Variants in UBAC2 observed in about 807,000 individuals in gnomAD.
UBAC2 encodes the protein UBA domain containing 2.
Under a neutral mutation model 44.0 loss-of-function variants are expected in UBAC2, and 26 were observed. The observed-to-expected ratio is 0.59, with a 90% CI of 0.43 to 0.82. The LOEUF (loss-of-function observed/expected upper bound fraction) is 0.82. Among genes scored for constraint, UBAC2 ranks in the 40% least tolerant of loss-of-function variants. The pLI, the probability that UBAC2 is intolerant of heterozygous loss-of-function variation, is 0.00. For missense variants in UBAC2, 329 were observed against 419.4 expected, an observed-to-expected ratio of 0.78 and a Z score of 1.88; for synonymous variants, 155 against 154.3, an observed-to-expected ratio of 1.00 and a Z score of -0.04.
intron 4 of UBAC2, among the ~76,000 whole-genome samples, chr13:99,312,446 T>G (rs905665396): frequency 6.6e-6 from 1 of 152,234 alleles, no homozygotes; most frequent in Non-Finnish European, 1.5e-5. Flanking sequence ...TCATATTACC[T>G]GCCTAGCACT....
chr13:99,280,861 C>T (rs1287761341), intron 4 of UBAC2, among the ~76,000 whole-genome samples: 1 of 151,984 alleles, frequency 6.6e-6, no homozygotes, highest in Non-Finnish European at 1.5e-5. Flanking sequence ...CTCTTTCTCA[C>T]TCAGTAAGCT....
rs1475257556 is a variant in UBAC2 at position 99,296,267 on chromosome 13, A to T, written c.390-17830A>T. Reference sequence around the variant, plus strand: ...TAAATAATGTATCAAAGCAATCCAAACTGTCTTTTATATATCTAAGTTTTA... The same window carrying T: ...TAAATAATGTATCAAAGCAATCCAATCTGTCTTTTATATATCTAAGTTTTA... On this transcript the variant is annotated intron_variant, in intron 4 of 8. Coordinates refer to ENST00000403766, the MANE Select transcript of UBAC2 (RefSeq NM_001144072.2). 5 of 878,816 alleles carry T rather than the reference A, an allele frequency of 5.7e-6. No individual in the cohort carries two copies. The Admixed American group carries it at 1.3e-4, about 23-fold the overall frequency. 54.4% of individuals were successfully genotyped at this position (878,816 alleles called of 1,614,324 possible). A position where few individuals can be genotyped will look rare whatever the true frequency, so the allele number is the denominator to read the frequency against.
rs191795389 is a variant in UBAC2 at position 99,384,363 on chromosome 13, C to A, written c.928-865C>A. 3.4e-3 allele frequency among the ~76,000 whole-genome samples: 512 copies of A among 152,206 alleles called. 3 individuals carry two copies. The highest frequency in any genetic ancestry group is 0.012 in the African/African-American group (490 of 41,498). On this transcript the variant is annotated intron_variant, in intron 8 of 8. Coordinates refer to ENST00000403766, the MANE Select transcript of UBAC2 (RefSeq NM_001144072.2). ...AATGTATTCCTGTGGCAATCTGGGG[C>A]CATGAATATTTTTGTAATATATTCT...
At chr13:99,278,090 A>T (rs1473758447) in intron 4 of UBAC2, among the ~76,000 whole-genome samples, 8 of 152,150 alleles carry the variant, frequency 5.3e-5, no homozygotes, top group Admixed American at 5.2e-4. Flanking sequence ...GCTTTCCAGG[A>T]CTAGGCACAG....
chr13:99,353,860 C>T (rs1345353360), intron 7 of UBAC2, among the ~76,000 whole-genome samples: 1 of 152,164 alleles, frequency 6.6e-6, no homozygotes, highest in African/African-American at 2.4e-5. Flanking sequence ...GTGCAACCCC[C>T]AAGGTTTCAG....
At chr13:99,219,809 CAT>C (rs1289778677) in intron 1 of UBAC2, among the ~76,000 whole-genome samples, 1 of 152,152 alleles carries the variant, frequency 6.6e-6, no homozygotes, top group African/African-American at 2.4e-5. Context: ...TAAGTGGAGT[CAT>C]ATAGTACATA....
At chr13:99,324,489 T>C (rs1347859711) in intron 6 of UBAC2, among the ~76,000 whole-genome samples, 1 of 152,252 alleles carries the variant, frequency 6.6e-6, no homozygotes, top group Non-Finnish European at 1.5e-5. Flanking sequence ...TGTACCAACA[T>C]GTAGCATGAA....
At position 99,273,553 on chromosome 13, in the gene UBAC2, C is replaced by A. The variant is rs781029659; in HGVS notation, c.389+28929C>A. On this transcript the variant is annotated intron_variant, in intron 4 of 8. Coordinates refer to ENST00000403766, the MANE Select transcript of UBAC2 (RefSeq NM_001144072.2). ...AGAGGAAGAAATGATTAAGGAAATGCTATCTCTTGGTAGGTACCTACCTCT... is the reference window on the plus strand; with the variant it reads ...AGAGGAAGAAATGATTAAGGAAATGATATCTCTTGGTAGGTACCTACCTCT... Among the ~76,000 whole-genome samples, 11 of 152,050 alleles carry A rather than the reference C, an allele frequency of 7.2e-5. No individual in the cohort carries two copies. The South Asian group carries it at 8.3e-4, about 11-fold the overall frequency.
Position 99,295,024 on chromosome 13 carries a change from C to A in UBAC2, c.390-19073C>A. ...GGGAAGTCCTGCAAAGTTTGTCATA[C>A]AGTTTACGTCACTATAAACCAAAAT... On this transcript the variant is annotated intron_variant, in intron 4 of 8. Coordinates refer to ENST00000403766, the MANE Select transcript of UBAC2 (RefSeq NM_001144072.2). The surrounding 1 kb of genome is among the most constrained non-coding windows in gnomAD (Gnocchi z 4.1). The A allele has an allele frequency of 1.3e-6, 2 of 1,565,468 alleles. No individual in the cohort carries two copies. The highest frequency in any genetic ancestry group is 1.7e-6 in the Non-Finnish European group (2 of 1,157,314).
intron 4 of UBAC2, among the ~76,000 whole-genome samples, chr13:99,289,423 A>C (rs1445476596): frequency 6.6e-6 from 1 of 152,262 alleles, no homozygotes; most frequent in Admixed American, 6.5e-5. Context: ...CATATTGGGC[A>C]ATGGAGATAA....
At chr13:99,298,992 C>G (rs943877466) in intron 4 of UBAC2, among the ~76,000 whole-genome samples, 4 of 152,056 alleles carry the variant, frequency 2.6e-5, no homozygotes, top group African/African-American at 9.7e-5. Flanking sequence ...TAAGCAGATT[C>G]ATGGGAATTG....
Position 99,268,137 on chromosome 13 carries a change from G to A in UBAC2, c.389+23513G>A, listed in dbSNP as rs534106311. ...AAACCATTGGCAAGAACTTGGTCAC[G>A]TGGCCACACCTAATCACAGGGAGGC... On this transcript the variant is annotated intron_variant, in intron 4 of 8. Transcript: ENST00000403766. Among the ~76,000 whole-genome samples the A allele has an allele frequency of 3.0e-4, 46 of 152,312 alleles. 1 individual carries two copies. The East Asian group carries it at 5.0e-3, about 17-fold the overall frequency.
chr13:99,239,387 A>C (rs2043275243), intron 2 of UBAC2, among the ~76,000 whole-genome samples: 1 of 152,240 alleles, frequency 6.6e-6, no homozygotes, highest in Non-Finnish European at 1.5e-5. Flanking sequence ...AAAAACTTCA[A>C]AGATCTGTCT....
intron 8 of UBAC2, among the ~76,000 whole-genome samples, chr13:99,379,913 T>C (rs1593992555): frequency 6.6e-6 from 1 of 152,218 alleles, no homozygotes; most frequent in East Asian, 1.9e-4. Flanking sequence ...GAGCAGAAAG[T>C]AAGCAAAAAA....
chr13:99,308,576 G>A (rs1238300903), intron 4 of UBAC2: 1 of 152,194 alleles, frequency 6.6e-6, no homozygotes, highest in Admixed American at 6.5e-5. Flanking sequence ...GAGGGATGAT[G>A]TAAACAGAAT....
At chr13:99,287,623 T>G (rs975908574) in intron 4 of UBAC2, among the ~76,000 whole-genome samples, 2 of 148,892 alleles carry the variant, frequency 1.3e-5, no homozygotes, top group African/African-American at 4.9e-5. Context: ...ATATCTTTCT[T>G]TCTTCTTTTT....
intron 1 of UBAC2, chr13:99,201,517 CTGTGCTGCTGGAT>C: frequency 6.2e-7 from 1 of 1,614,178 alleles, no homozygotes; most frequent in Non-Finnish European, 8.5e-7. Flanking sequence ...GGGAGCGCAG[CTGTGCTGCTGGAT>C]GTTGCTGTTT....
At chr13:99,234,151 G>C (rs914372999) in intron 1 of UBAC2, among the ~76,000 whole-genome samples, 3 of 150,054 alleles carry the variant, frequency 2.0e-5, no homozygotes, top group Non-Finnish European at 4.4e-5. Context: ...ATCATGGGCC[G>C]GACATTGTGC....
chr13:99,334,966 T>G (rs2044766200), intron 6 of UBAC2, among the ~76,000 whole-genome samples: 1 of 152,194 alleles, frequency 6.6e-6, no homozygotes, highest in East Asian at 1.9e-4. Flanking sequence ...ATAAGAAAGC[T>G]GAAATGGCTG....
Sources: gnomAD v4.1 joint callset for allele counts (sites outside exome capture counted in the v4.1 genomes callset) on GRCh38, gnomAD v4.1.1 for gene constraint, Gnocchi (gnomAD v3.1) non-coding constraint, MANE v1.5 for transcripts, NCBI Gene and HGNC (gene_info 2026-07-23, HGNC 2026-07-21) for gene names.